ACTR3C: variants seen among roughly 807,000 people sequenced by gnomAD.
ACTR3C encodes actin-related protein 3C.
A neutral mutation model predicts 26.3 loss-of-function variants in ACTR3C; 18 were observed. The ratio of observed to expected loss-of-function variants is 0.68; its 90% CI spans 0.47 to 1.01. The LOEUF (loss-of-function observed/expected upper bound fraction) is 1.01. ACTR3C is among the 50% of genes least tolerant of loss of function. The probability of loss-of-function intolerance (pLI) is 0.00; values close to 1 mark genes in which losing one functional copy is unlikely to be tolerated. For missense variants in ACTR3C, 184 were observed against 250.7 expected (o/e 0.73, Z 1.80); for synonymous variants, 55 against 94.5 (o/e 0.58, Z 2.42).
the ACTR3C span, among the ~76,000 whole-genome samples, chr7:149,927,405 T>C: frequency 7.3e-6 from 1 of 136,066 alleles, no homozygotes; most frequent in Non-Finnish European, 1.6e-5. Flanking sequence ...TAACAATGCA[T>C]CTCACAATAT....
chr7:149,967,732 T>TAA, the ACTR3C span, among the ~76,000 whole-genome samples: 1 of 152,026 alleles, frequency 6.6e-6, no homozygotes, highest in African/African-American at 2.4e-5. Flanking sequence ...CCACAATGAG[T>TAA]GTATTGCAGG....
chr7:149,925,129 T>C, the ACTR3C span, among the ~76,000 whole-genome samples: 1 of 151,412 alleles, frequency 6.6e-6, no homozygotes, highest in African/African-American at 2.4e-5. Flanking sequence ...GCACCATTTA[T>C]GATAGCAAAA....
At chr7:150,077,264 A>G in the ACTR3C span, among the ~76,000 whole-genome samples, 2 of 152,176 alleles carry the variant, frequency 1.3e-5, no homozygotes, top group Non-Finnish European at 2.9e-5. Flanking sequence ...ATAGAGCAAC[A>G]TGCCCCTTAT....
chr7:150,146,834 T>C, the ACTR3C span, among the ~76,000 whole-genome samples: 1 of 152,234 alleles, frequency 6.6e-6, no homozygotes, highest in Non-Finnish European at 1.5e-5. Flanking sequence ...TGTATTTTAT[T>C]GTAATAAAAT....
At chr7:150,036,951 AACCAGGGG>A in the ACTR3C span, among the ~76,000 whole-genome samples, 2 of 79,858 alleles carry the variant, frequency 2.5e-5, no homozygotes, top group African/African-American at 9.4e-5. Context: ...CCAGTGGGGG[AACCAGGGG>A]CTGGCTCTCA....
At chr7:150,258,949 G>T (rs1833430118) in intron 6 of ACTR3C, among the ~76,000 whole-genome samples, 1 of 151,912 alleles carries the variant, frequency 6.6e-6, no homozygotes, top group African/African-American at 2.4e-5. Context: ...CATGTCTATT[G>T]CAGGCAACCA....
At chr7:150,225,308 T>C in the ACTR3C span, among the ~76,000 whole-genome samples, 1 of 152,214 alleles carries the variant, frequency 6.6e-6, no homozygotes, top group Admixed American at 6.5e-5. Context: ...CAAATATCTA[T>C]AAATATTTCT....
At chr7:150,159,501 CCCT>C in the ACTR3C span, among the ~76,000 whole-genome samples, 1 of 152,074 alleles carries the variant, frequency 6.6e-6, no homozygotes, top group Non-Finnish European at 1.5e-5. Flanking sequence ...TCTAAATTCT[CCCT>C]CCTCCTGCAG....
At chr7:150,180,486 C>T in the ACTR3C span, among the ~76,000 whole-genome samples, 513 of 148,044 alleles carry the variant, frequency 3.5e-3, 17 homozygotes, top group African/African-American at 0.012. Context: ...TTTGCCCAAG[C>T]TGATGGGCCA....
At chr7:150,117,842 G>A in the ACTR3C span, among the ~76,000 whole-genome samples, 3 of 152,292 alleles carry the variant, frequency 2.0e-5, no homozygotes, top group South Asian at 2.1e-4. Flanking sequence ...AGCTCTGACT[G>A]GCATCTGGTG....
chr7:150,036,249 T>C, the ACTR3C span, among the ~76,000 whole-genome samples: 1 of 146,872 alleles, frequency 6.8e-6, no homozygotes, highest in East Asian at 1.9e-4. Context: ...TATGTTCAGG[T>C]TTTGCCCAAG....
chr7:150,206,815 G>C, the ACTR3C span, among the ~76,000 whole-genome samples: 1 of 152,204 alleles, frequency 6.6e-6, no homozygotes, highest in East Asian at 1.9e-4. Flanking sequence ...TTATGAATAG[G>C]TTAAGTAAGA....
the ACTR3C span, among the ~76,000 whole-genome samples, chr7:150,199,639 TAAA>T: frequency 1.3e-5 from 1 of 77,120 alleles, no homozygotes; most frequent in African/African-American, 4.4e-5. Flanking sequence ...TAAATAAAAA[TAAA>T]AAAAAATAAA....
the ACTR3C span, among the ~76,000 whole-genome samples, chr7:150,053,805 A>C: frequency 9.2e-5 from 14 of 152,244 alleles, no homozygotes; most frequent in Admixed American, 2.0e-4. Flanking sequence ...TGACTTCACT[A>C]AAAATTACTG....
At chr7:149,971,336 G>T in the ACTR3C span, among the ~76,000 whole-genome samples, 1 of 152,134 alleles carries the variant, frequency 6.6e-6, no homozygotes, top group African/African-American at 2.4e-5. Flanking sequence ...GTGCCCTACC[G>T]ATGGGGTGTT....
chr7:150,069,768 C>G, the ACTR3C span, among the ~76,000 whole-genome samples: 1 of 152,170 alleles, frequency 6.6e-6, no homozygotes, highest in East Asian at 1.9e-4. Context: ...ATTAATAGCT[C>G]AGAGACATGC....
At chr7:150,053,525 C>A in the ACTR3C span, among the ~76,000 whole-genome samples, 11 of 152,204 alleles carry the variant, frequency 7.2e-5, no homozygotes, top group Non-Finnish European at 1.2e-4. Flanking sequence ...GTCCTGCTTG[C>A]GGTATGGTCA....
At chr7:150,259,273 A>AAAAG (rs374612383) in intron 6 of ACTR3C, among the ~76,000 whole-genome samples, 1,617 of 148,436 alleles carry the variant, frequency 0.011, 33 homozygotes, top group African/African-American at 0.039. Flanking sequence ...AGAAGAAAGA[A>AAAAG]AAAGAAAGAA....
At chr7:150,259,526 A>T (rs1475771189) in intron 6 of ACTR3C, among the ~76,000 whole-genome samples, 1 of 152,240 alleles carries the variant, frequency 6.6e-6, no homozygotes, top group Non-Finnish European at 1.5e-5. Context: ...ACTGTCAACC[A>T]TGGCTGCATG....
Sources: gnomAD v4.1 joint callset for allele counts (sites outside exome capture counted in the v4.1 genomes callset) on GRCh38, gnomAD v4.1.1 for gene constraint, MANE v1.5 for transcripts, NCBI Gene and HGNC (gene_info 2026-07-23, HGNC 2026-07-21) for gene names.